PTPRM: variants seen among roughly 807,000 people sequenced by gnomAD.
PTPRM encodes protein tyrosine phosphatase receptor type M, also known as receptor-type tyrosine-protein phosphatase mu.
In PTPRM, 47 loss-of-function variants were observed where a neutral mutation model predicts 186.7. The ratio of observed to expected loss-of-function variants is 0.25; its 90% confidence interval spans 0.20 to 0.32. The LOEUF is 0.32. Ranked by LOEUF, PTPRM falls within the 10% of genes least tolerant of loss-of-function variation. The pLI is 1.00. For synonymous variants in PTPRM, 668 were observed against 674.9 expected, an observed-to-expected ratio of 0.99 and a Z score of 0.16; for missense variants, 1,494 against 1,865.0, an observed-to-expected ratio of 0.80 and a Z score of 3.66.
At chr18:7,978,662 T>C (rs1456511927) in intron 7 of PTPRM, among the ~76,000 whole-genome samples, 1 of 152,216 alleles carries the variant, frequency 6.6e-6, no homozygotes, top group Non-Finnish European at 1.5e-5. Flanking sequence ...AATTTCTTTG[T>C]AGTACTGTGA....
At position 7,686,317 on chromosome 18, in the gene PTPRM, C is replaced by G. The variant is rs535036945; in HGVS notation, c.74-87832C>G. ...AAACCTGATGTTTACTGTAGAATCT[C>G]TTGTTACTTAAAATGCTTTCTCAAA... On this transcript the variant is annotated intron_variant, in intron 1 of 32. Coordinates refer to ENST00000580170, the MANE Select transcript of PTPRM (RefSeq NM_001105244.2). Among the ~76,000 whole-genome samples, 7 of 152,246 alleles carry G rather than the reference C, an allele frequency of 4.6e-5. No individual in the cohort carries two copies. The South Asian group carries it at 1.5e-3, about 32-fold the overall frequency.
chr18:8,167,186 A>T (rs2093336443), intron 14 of PTPRM, among the ~76,000 whole-genome samples: 1 of 152,230 alleles, frequency 6.6e-6, no homozygotes. Flanking sequence ...ATCTTCACGC[A>T]CCAATAGTTT....
chr18:7,782,828 G>A (rs1030254746), intron 2 of PTPRM, among the ~76,000 whole-genome samples: 9 of 152,050 alleles, frequency 5.9e-5, no homozygotes, highest in African/African-American at 2.2e-4. Context: ...GTTTCAAGGG[G>A]GCCAATGTCA....
intron 1 of PTPRM, among the ~76,000 whole-genome samples, chr18:7,723,557 T>G (rs774730271): frequency 6.6e-6 from 1 of 152,202 alleles, no homozygotes; most frequent in Non-Finnish European, 1.5e-5. Context: ...CCCTGCCCTC[T>G]GTGCTCTGCA....
chr18:8,056,133 A>G (rs1484626927), intron 7 of PTPRM, among the ~76,000 whole-genome samples: 1 of 152,180 alleles, frequency 6.6e-6, no homozygotes, highest in Non-Finnish European at 1.5e-5. Flanking sequence ...TTCATTTATT[A>G]ATTTATCTAA....
intron 2 of PTPRM, among the ~76,000 whole-genome samples, chr18:7,885,988 C>T (rs556087817): frequency 7.9e-4 from 121 of 152,262 alleles, no homozygotes; most frequent in African/African-American, 2.7e-3. Context: ...TGTATATTGC[C>T]GTGCTTTCCA....
At chr18:7,697,711 A>G (rs915124870) in intron 1 of PTPRM, among the ~76,000 whole-genome samples, 4 of 152,186 alleles carry the variant, frequency 2.6e-5, no homozygotes, top group Non-Finnish European at 5.9e-5. Flanking sequence ...TTATTTACAG[A>G]GTAATCTAGA....
chr18:7,696,509 C>A (rs16952381), intron 1 of PTPRM, among the ~76,000 whole-genome samples: 2,810 of 152,284 alleles, frequency 0.018, 79 homozygotes, highest in East Asian at 0.1. Context: ...TGTGGAAATA[C>A]TTCATTAGCT....
chr18:8,172,719 A>G (rs2093422773), intron 14 of PTPRM, among the ~76,000 whole-genome samples: 2 of 152,060 alleles, frequency 1.3e-5, no homozygotes, highest in Non-Finnish European at 2.9e-5. Context: ...AGAAAAAAAA[A>G]ACTTCTGCTT....
chr18:7,987,691 TA>T (rs1372762804), intron 7 of PTPRM, among the ~76,000 whole-genome samples: 2 of 152,168 alleles, frequency 1.3e-5, no homozygotes, highest in Non-Finnish European at 2.9e-5. Context: ...AGAAAACTCA[TA>T]AAAAGTAAGT....
intron 20 of PTPRM, among the ~76,000 whole-genome samples, chr18:8,301,803 G>A (rs1324197953): frequency 6.6e-6 from 1 of 152,246 alleles, no homozygotes; most frequent in Non-Finnish European, 1.5e-5. Context: ...TGAGCACCCA[G>A]CAAGGAAAAT....
At chr18:7,859,409 C>G (rs1471511882) in intron 2 of PTPRM, among the ~76,000 whole-genome samples, 4 of 152,180 alleles carry the variant, frequency 2.6e-5, no homozygotes, top group African/African-American at 9.7e-5. Context: ...GCCAGGTAGT[C>G]AGGACACCTC....
At chr18:8,379,994 A>C (rs1235836189) in intron 28 of PTPRM, among the ~76,000 whole-genome samples, 5 of 152,250 alleles carry the variant, frequency 3.3e-5, no homozygotes, top group Non-Finnish European at 7.3e-5. Flanking sequence ...GTAAAGTTAA[A>C]TTTTCTCCAT....
chr18:8,381,240 A>G (rs1016725213), intron 29 of PTPRM, among the ~76,000 whole-genome samples: 2 of 152,080 alleles, frequency 1.3e-5, no homozygotes, highest in African/African-American at 2.4e-5. Context: ...GCCTATACCA[A>G]TCATAGACAA....
intron 2 of PTPRM, among the ~76,000 whole-genome samples, chr18:7,845,709 A>G (rs1349989580): frequency 1.3e-5 from 2 of 152,080 alleles, no homozygotes; most frequent in Admixed American, 1.3e-4. Flanking sequence ...AATGGAGGAA[A>G]TTTAGAAATA....
In PTPRM at chr18:8,221,157, C is replaced by G. The variant is rs148446183; in HGVS notation, c.2301-22901C>G. On this transcript the variant is annotated intron_variant, in intron 14 of 32. Transcript: ENST00000580170. ...GATTGGAGGGATTTGTCAAGGAAGACTAGGATAGCAATGGTCATGAAGAAA... is the reference window on the plus strand; with the variant it reads ...GATTGGAGGGATTTGTCAAGGAAGAGTAGGATAGCAATGGTCATGAAGAAA... 2.6e-5 allele frequency among the ~76,000 whole-genome samples: 4 copies of G among 152,198 alleles called. No individual in the cohort carries two copies. In the East Asian group the frequency reaches 7.7e-4, roughly 29 times the overall value.
At chr18:7,661,944 G>A (rs1277447823) in intron 1 of PTPRM, among the ~76,000 whole-genome samples, 1 of 152,102 alleles carries the variant, frequency 6.6e-6, no homozygotes, top group Non-Finnish European at 1.5e-5. Context: ...TTGAGACAGG[G>A]TCTTGCTCTG....
chr18:8,010,890 T>C (rs1478794432), intron 7 of PTPRM, among the ~76,000 whole-genome samples: 1 of 151,912 alleles, frequency 6.6e-6, no homozygotes, highest in Non-Finnish European at 1.5e-5. Flanking sequence ...GAGAAGGAGG[T>C]GAGCTTCAGG....
intron 7 of PTPRM, among the ~76,000 whole-genome samples, chr18:8,057,723 G>A (rs1401027834): frequency 6.8e-5 from 5 of 73,520 alleles, no homozygotes; most frequent in Non-Finnish European, 1.0e-4. Context: ...TTGTTCTTGC[G>A]ATAGTTTACT....
Sources: gnomAD v4.1 joint callset for allele counts (sites outside exome capture counted in the v4.1 genomes callset) on GRCh38, gnomAD v4.1.1 for gene constraint, MANE v1.5 for transcripts, NCBI Gene and HGNC (gene_info 2026-07-23, HGNC 2026-07-21) for gene names.